Variants in TMCC2 observed in about 807,000 individuals in gnomAD.
TMCC2 encodes the protein transmembrane and coiled-coil domains protein 2.
Under a neutral mutation model 49.4 loss-of-function variants are expected in TMCC2, and 16 were observed. The observed-to-expected ratio is 0.32, with a 90% CI of 0.22 to 0.49. The LOEUF (loss-of-function observed/expected upper bound fraction) is 0.49. Among genes scored for constraint, TMCC2 ranks in the 20% least tolerant of loss-of-function variants. The pLI, the probability that TMCC2 is intolerant of heterozygous loss-of-function variation, is 0.99. For synonymous variants in TMCC2, 397 were observed against 434.1 expected, an observed-to-expected ratio of 0.91 and a Z score of 1.06; for missense variants, 762 against 989.8, an observed-to-expected ratio of 0.77 and a Z score of 3.09.
intron 1 of TMCC2, among the ~76,000 whole-genome samples, chr1:205,232,872 C>G (rs1045229063): frequency 7.4e-6 from 1 of 134,444 alleles, no homozygotes; most frequent in Non-Finnish European, 1.5e-5. Flanking sequence ...GAGGTTGAAG[C>G]TGCAGTGAGC....
At chr1:205,268,530 C>T (rs1661441493) in intron 2 of TMCC2, among the ~76,000 whole-genome samples, 1 of 152,198 alleles carries the variant, frequency 6.6e-6, no homozygotes, top group Non-Finnish European at 1.5e-5. Context: ...AGGAGAATCC[C>T]TTGAACCAGG....
chr1:205,228,915 A>G, intron 1 of TMCC2, 144 bp downstream of exon 1: 2 of 1,432,458 alleles, frequency 1.4e-6, no homozygotes, highest in Admixed American at 2.8e-5. Context: ...CTGGCACCCC[A>G]GGGGGGACGT....
At chr1:205,246,939 G>C (rs991326445) in intron 2 of TMCC2, among the ~76,000 whole-genome samples, 1 of 152,028 alleles carries the variant, frequency 6.6e-6, no homozygotes, top group African/African-American at 2.4e-5. Flanking sequence ...CATTAGCTGG[G>C]GAGCTTCTCT....
intron 2 of TMCC2, among the ~76,000 whole-genome samples, chr1:205,255,867 G>A (rs935983918): frequency 6.6e-6 from 1 of 152,194 alleles, no homozygotes; most frequent in South Asian, 2.1e-4. Flanking sequence ...CCATAGGAGG[G>A]GGATCATTTG....
intron 1 of TMCC2, among the ~76,000 whole-genome samples, chr1:205,237,176 C>T (rs778817236): frequency 2.0e-5 from 3 of 152,112 alleles, no homozygotes; most frequent in Non-Finnish European, 2.9e-5. Flanking sequence ...TGATCATCAG[C>T]GCCAAACCTG....
At chr1:205,231,530 C>G (rs1659800535) in intron 1 of TMCC2, among the ~76,000 whole-genome samples, 2 of 152,168 alleles carry the variant, frequency 1.3e-5, no homozygotes, top group Admixed American at 6.5e-5. Flanking sequence ...CTCCTGGACT[C>G]AAGCGAAACT....
intron 2 of TMCC2, among the ~76,000 whole-genome samples, chr1:205,256,765 C>T (rs61823978): frequency 0.13 from 19,018 of 152,118 alleles, 1,512 homozygotes; most frequent in Non-Finnish European, 0.19. Context: ...GAGAGCTCTT[C>T]GCTATCCTGG....
Position 205,272,454 on chromosome 1 carries a change from G to T in TMCC2, c.*330G>T. 2.9e-6 allele frequency: 1 copy of T among 340,410 alleles called. No homozygotes were observed. Among genetic ancestry groups the T allele is most frequent in the African/African-American group, 2.1e-5 (1 of 48,254 alleles). 21.1% of individuals were successfully genotyped at this position (340,410 alleles called of 1,614,324 possible). A position where few individuals can be genotyped will look rare whatever the true frequency, so the allele number is the denominator to read the frequency against. On this transcript the variant is annotated 3_prime_UTR_variant, in exon 5 of 5. Coordinates refer to ENST00000358024, the MANE Select transcript of TMCC2 (RefSeq NM_014858.4). ...CCCTCAGGATGCCCCAAGTCAGGAA[G>T]ACCATTAAGAATAGGAGGAGAGGGC...
intron 2 of TMCC2, among the ~76,000 whole-genome samples, chr1:205,258,093 A>G (rs945094214): frequency 6.6e-6 from 1 of 152,284 alleles, no homozygotes; most frequent in East Asian, 1.9e-4. Flanking sequence ...GGGTCAGGGC[A>G]GGAGGAAGAA....
In TMCC2 at chr1:205,269,052, C is replaced by T. The variant is rs1375284370; in HGVS notation, c.850C>T (p.Arg284Trp). The T allele has an allele frequency of 1.3e-5, 21 of 1,613,488 alleles. No individual in the cohort carries two copies. The highest frequency in any genetic ancestry group is 4.0e-5 in the African/African-American group (3 of 74,922). Residue 284 changes from arginine (R) to tryptophan (W), a missense_variant, in exon 3 of 5, where the codon CGG becomes TGG. Coordinates refer to ENST00000358024, the MANE Select transcript of TMCC2 (RefSeq NM_014858.4). ...GCCCGATGGGGCACCGGACCCCCAGCGGACCAAGGCCGCCATTGACCACCT... is the reference window on the plus strand; with the variant it reads ...GCCCGATGGGGCACCGGACCCCCAGTGGACCAAGGCCGCCATTGACCACCT... ...DVPDGAPDPQRTKAAIDHLHQ... is the reference protein window; with the variant it reads ...DVPDGAPDPQWTKAAIDHLHQ...
At chr1:205,270,521 C>A (rs1035389504) in intron 3 of TMCC2, among the ~76,000 whole-genome samples, 1 of 152,216 alleles carries the variant, frequency 6.6e-6, no homozygotes, top group South Asian at 2.1e-4. Flanking sequence ...ACTTGCCGCT[C>A]GCTCCCTGGG....
At chr1:205,247,985 C>T (rs1467024398) in intron 2 of TMCC2, among the ~76,000 whole-genome samples, 1 of 152,204 alleles carries the variant, frequency 6.6e-6, no homozygotes, top group African/African-American at 2.4e-5. Flanking sequence ...GATAGGGGCT[C>T]ACGGTCCAGG....
chr1:205,232,438 C>T (rs190135073), intron 1 of TMCC2, among the ~76,000 whole-genome samples: 12 of 152,282 alleles, frequency 7.9e-5, no homozygotes, highest in African/African-American at 2.9e-4. Flanking sequence ...TTCATTTGTC[C>T]TTATTGCCCA....
intron 2 of TMCC2, among the ~76,000 whole-genome samples, chr1:205,245,417 G>C (rs1574841997): frequency 6.6e-6 from 1 of 152,180 alleles, no homozygotes; most frequent in Admixed American, 6.5e-5. Flanking sequence ...GAGGAGACAT[G>C]ATGGAAGACC....
chr1:205,248,312 G>A (rs1360701765), intron 2 of TMCC2, among the ~76,000 whole-genome samples: 5 of 152,098 alleles, frequency 3.3e-5, no homozygotes, highest in African/African-American at 1.2e-4. Flanking sequence ...GGGAGGCTGA[G>A]GTGGGAGGAT....
chr1:205,244,896 A>T (rs1324734437), intron 2 of TMCC2, among the ~76,000 whole-genome samples: 1 of 151,726 alleles, frequency 6.6e-6, no homozygotes. Flanking sequence ...AGTGAGAGAG[A>T]CAGGAGAGGG....
intron 1 of TMCC2, among the ~76,000 whole-genome samples, chr1:205,233,262 C>T (rs1659882244): frequency 6.6e-6 from 1 of 152,160 alleles, no homozygotes; most frequent in South Asian, 2.1e-4. Context: ...AAGTAATTTC[C>T]CTGGAGATTT....
chr1:205,228,809 G>A (rs866279094), intron 1 of TMCC2, 38 bp downstream of exon 1: 4 of 1,550,310 alleles, frequency 2.6e-6, no homozygotes, highest in African/African-American at 1.4e-5. Context: ...CCCAGCCCGC[G>A]ACTTAGCTCT....
intron 1 of TMCC2, among the ~76,000 whole-genome samples, chr1:205,233,261 C>T (rs1213562647): frequency 1.3e-5 from 2 of 152,166 alleles, no homozygotes; most frequent in African/African-American, 4.8e-5. Context: ...TAAGTAATTT[C>T]CCTGGAGATT....
Sources: gnomAD v4.1 joint callset for allele counts (sites outside exome capture counted in the v4.1 genomes callset) on GRCh38, gnomAD v4.1.1 for gene constraint, MANE v1.5 for transcripts, NCBI Gene and HGNC (gene_info 2026-07-23, HGNC 2026-07-21) for gene names.